ZFP62: variants seen among roughly 807,000 people sequenced by gnomAD.
ZFP62 encodes ZFP62 zinc finger protein.
ZFP62 carries 44 observed loss-of-function variants against 56.4 expected under a neutral mutation model. That is an observed-to-expected ratio of 0.78 (90% CI 0.61 to 1.00). The LOEUF (loss-of-function observed/expected upper bound fraction) is 1.00. Among genes scored for constraint, ZFP62 ranks in the 50% least tolerant of loss-of-function variants. ZFP62 has a pLI of 0.00. For missense variants in ZFP62, 1,030 were observed against 1,085.7 expected (o/e 0.95, Z 0.72); for synonymous variants, 421 against 388.9 (o/e 1.08, Z -0.97).
intron 1 of ZFP62, chr5:180,860,620 G>C (rs1339835274): frequency 6.6e-6 from 1 of 151,402 alleles, no homozygotes; most frequent in African/African-American, 2.4e-5. Flanking sequence ...CCCCAGATGA[G>C]GGCTAGGACG....
chr5:180,858,257 C>CAAAAAAAAAAAAA (rs1159409435), intron 1 of ZFP62, among the ~76,000 whole-genome samples: 2 of 40,266 alleles, frequency 5.0e-5, no homozygotes, highest in African/African-American at 1.6e-4. Context: ...AACTCTGTCT[C>CAAAAAAAAAAAAA]AAAAAAAAAA....
the ZFP62 span, chr5:180,832,089 CAAAACAA>C: frequency 0.09 from 13,726 of 152,268 alleles, 725 homozygotes; most frequent in African/African-American, 0.14. Context: ...GACTCCATCT[CAAAACAA>C]AAAACAAAAA....
At chr5:180,861,186 G>A (rs990561214) in intron 1 of ZFP62, 33 bp downstream of exon 1, 22 of 398,338 alleles carry the variant, frequency 5.5e-5, no homozygotes, top group South Asian at 2.5e-4. Context: ...AAGGGCCGGG[G>A]GCGGGAGCGC....
chr5:180,832,614 A>G, the ZFP62 span: 3 of 152,326 alleles, frequency 2.0e-5, no homozygotes, highest in African/African-American at 7.2e-5. Context: ...ATTGTTTTAA[A>G]TTCTAAGACA....
intron 1 of ZFP62, among the ~76,000 whole-genome samples, chr5:180,857,276 G>A (rs979704167): frequency 8.5e-5 from 13 of 152,162 alleles, no homozygotes; most frequent in Non-Finnish European, 1.8e-4. Flanking sequence ...GTAAGAACCA[G>A]GTAGCATATA....
intron 1 of ZFP62, among the ~76,000 whole-genome samples, chr5:180,857,133 C>T (rs896228972): frequency 6.6e-6 from 1 of 152,146 alleles, no homozygotes; most frequent in East Asian, 1.9e-4. Flanking sequence ...GACAGGTAGG[C>T]AAAGACAAGG....
chr5:180,853,973 G>A lies in ZFP62; in HGVS notation c.2-2480C>T, dbSNP rs140686287. Among the ~76,000 whole-genome samples the A allele has an allele frequency of 5.7e-3, 866 of 152,260 alleles. 5 individuals carry two copies. The highest frequency in any genetic ancestry group is 0.02 in the African/African-American group (835 of 41,540). ...CTTATGATTTCTAAATCACATATAT[G>A]TGCATGCATGTATATTCAAGCCTGT... On this transcript the variant is annotated intron_variant, in intron 1 of 1. Coordinates refer to ENST00000502412, the MANE Select transcript of ZFP62 (RefSeq NM_001172638.2).
the ZFP62 span, chr5:180,831,135 G>C: frequency 6.5e-6 from 1 of 153,384 alleles, no homozygotes; most frequent in Non-Finnish European, 1.5e-5. Context: ...CTCTCCTCGC[G>C]GGGGTGGACG....
chr5:180,840,982 A>T, the ZFP62 span, among the ~76,000 whole-genome samples: 1 of 152,152 alleles, frequency 6.6e-6, no homozygotes, highest in Non-Finnish European at 1.5e-5. Context: ...TAGGAACTCC[A>T]TGATTTGTGC....
rs1333111102 is a variant in ZFP62, at chr5:180,850,976, G to C, written c.519C>G (p.Asp173Glu). 2.6e-6 allele frequency: 4 copies of C among 1,552,682 alleles called. No homozygotes were observed. Among genetic ancestry groups the C allele is most frequent in the Non-Finnish European group, 3.5e-6 (4 of 1,147,796 alleles). ...HTGEKRYECD[D>E]CGGTFRSSSS... Reference sequence around the variant, plus strand: ...AGCTGCTCCGGAAAGTCCCTCCACAGTCATCACATTCATAGCGCTTTTCCC... The same window carrying C: ...AGCTGCTCCGGAAAGTCCCTCCACACTCATCACATTCATAGCGCTTTTCCC... Residue 173 changes from aspartate (D) to glutamate (E), a missense_variant, in exon 2 of 2, where the codon GAC (aspartate) becomes GAG (glutamate). Transcript: ENST00000502412.
the ZFP62 span, chr5:180,831,415 G>GTTT: frequency 0.1 from 15,269 of 146,272 alleles, 1,489 homozygotes; most frequent in African/African-American, 0.26. Context: ...TTTCGGCCAT[G>GTTT]TTTTTTTTTT....
In ZFP62 at chr5:180,861,243, C is replaced by G. The variant is rs1417537291; in HGVS notation, c.-24G>C. ...CTGGCTGTGGCGGCGCCGCGGGAAC[C>G]CGGCCGCCAGCGGGACAAAAGCGCG... is the stretch of plus-strand genomic sequence containing the variant. On this transcript the variant is annotated 5_prime_UTR_variant, in exon 1 of 2. Coordinates refer to ENST00000502412, the MANE Select transcript of ZFP62 (RefSeq NM_001172638.2). The G allele has an allele frequency of 2.0e-5, 8 of 397,720 alleles. No individual in the cohort carries two copies. Among genetic ancestry groups the G allele is most frequent in the East Asian group, 3.6e-5 (1 of 28,044 alleles). 24.6% of individuals were successfully genotyped at this position (397,720 alleles called of 1,614,324 possible).
chr5:180,840,308 G>A, the ZFP62 span, among the ~76,000 whole-genome samples: 74 of 152,308 alleles, frequency 4.9e-4, no homozygotes, highest in Non-Finnish European at 9.0e-4. Flanking sequence ...AGAGGGAGTT[G>A]AGGAGCTGGG....
At chr5:180,833,411 A>G in the ZFP62 span, among the ~76,000 whole-genome samples, 10 of 150,520 alleles carry the variant, frequency 6.6e-5, no homozygotes, top group African/African-American at 2.4e-4. Flanking sequence ...CCTGGGAGGC[A>G]GAGCTTTCAG....
At position 180,848,702 on chromosome 5, in the gene ZFP62, T is replaced by A. The variant is rs1248217226; in HGVS notation, c.*90A>T. On this transcript the variant is annotated 3_prime_UTR_variant, in exon 2 of 2. Coordinates refer to ENST00000502412, the MANE Select transcript of ZFP62 (RefSeq NM_001172638.2). ...CTCTAGGATGGTTTCATTTACACTG[T>A]GTAAATTACAAGCCATGACCCCCTA... 3 of 1,444,362 alleles carry A rather than the reference T, an allele frequency of 2.1e-6. No individual in the cohort carries two copies. In the African/African-American group the frequency reaches 4.3e-5, roughly 21 times the overall value. The allele number at this position is 1,444,362 out of a possible 1,614,324, so 89.5% of individuals were successfully genotyped here. A position where few individuals can be genotyped will look rare whatever the true frequency, so the allele number is the denominator to read the frequency against.
chr5:180,845,647 A>C, downstream of ZFP62: 2 of 910,928 alleles, frequency 2.2e-6, no homozygotes, highest in Non-Finnish European at 2.6e-6. Flanking sequence ...AAGCTGGAGA[A>C]GAGAAATGAA....
Position 180,850,109 on chromosome 5 carries a change from T to C in ZFP62, c.1386A>G (p.Ala462=). Residue 462 remains alanine (A), a synonymous_variant, in exon 2 of 2, where the codon GCA becomes GCG. Coordinates refer to ENST00000502412, the MANE Select transcript of ZFP62 (RefSeq NM_001172638.2). ...DVCGKTFRNN[A]GLKVHRRLHT... is the part of the protein sequence containing the mutation. ...GGAGCCTCCTGTGGACTTTGAGGCC[T>C]GCATTGTTTCTGAACGTTTTCCCAC... 1.3e-6 allele frequency: 2 copies of C among 1,551,728 alleles called. No individual in the cohort carries two copies. The highest frequency in any genetic ancestry group is 1.7e-6 in the Non-Finnish European group (2 of 1,147,020).
chr5:180,831,522 C>A, the ZFP62 span: 1 of 152,316 alleles, frequency 6.6e-6, no homozygotes, highest in African/African-American at 2.4e-5. Flanking sequence ...AGGGACTCTC[C>A]GGCCTCAGGC....
the ZFP62 span, chr5:180,832,553 GC>G: frequency 6.6e-5 from 10 of 152,186 alleles, no homozygotes; most frequent in African/African-American, 1.9e-4. Context: ...AATGAATACA[GC>G]CATGCTTGAT....
Sources: allele counts gnomAD v4.1 joint callset (sites outside exome capture counted in the v4.1 genomes callset), GRCh38; gene constraint gnomAD v4.1.1; transcripts MANE v1.5; gene names NCBI Gene and HGNC (gene_info 2026-07-23, HGNC 2026-07-21).